Variants in LRRC4C observed in about 807,000 individuals in gnomAD.
LRRC4C encodes leucine-rich repeat-containing protein 4C.
LRRC4C carries 5 observed loss-of-function variants against 33.6 expected under a neutral mutation model. The ratio of observed to expected loss-of-function variants is 0.15; its 90% CI spans 0.08 to 0.31. The LOEUF is 0.31. LRRC4C is among the 10% of genes least tolerant of loss of function. The pLI is 1.00. For missense variants in LRRC4C, 560 were observed against 796.7 expected (o/e 0.70, Z 3.58); for synonymous variants, 329 against 302.0 (o/e 1.09, Z -0.93).
intron 4 of LRRC4C, among the ~76,000 whole-genome samples, chr11:40,263,025 C>T (rs1041178954): frequency 1.3e-5 from 2 of 151,826 alleles, no homozygotes; most frequent in African/African-American, 4.8e-5. Flanking sequence ...CTTACATCTC[C>T]TGCATATACT....
intron 3 of LRRC4C, among the ~76,000 whole-genome samples, chr11:40,429,725 C>T (rs952673662): frequency 2.0e-5 from 3 of 151,960 alleles, no homozygotes; most frequent in Admixed American, 2.0e-4. Context: ...TAATCTGATC[C>T]AAATTTTAAA....
intron 1 of LRRC4C, among the ~76,000 whole-genome samples, chr11:41,181,683 G>C (rs1427287083): frequency 6.6e-6 from 1 of 152,164 alleles, no homozygotes; most frequent in Non-Finnish European, 1.5e-5. Flanking sequence ...ACCCACAGCA[G>C]CTCAGTTTGA....
intron 1 of LRRC4C, among the ~76,000 whole-genome samples, chr11:40,955,872 C>T (rs1000961181): frequency 1.3e-5 from 2 of 151,804 alleles, no homozygotes; most frequent in Non-Finnish European, 2.9e-5. Flanking sequence ...AAAACTCATA[C>T]ATTCCACACA....
intron 3 of LRRC4C, among the ~76,000 whole-genome samples, chr11:40,629,877 A>G (rs1018040715): frequency 1.3e-5 from 2 of 152,188 alleles, no homozygotes; most frequent in Non-Finnish European, 2.9e-5. Context: ...GCATGGACAT[A>G]CAGATAGATA....
chr11:40,207,050 A>G (rs967230105), intron 5 of LRRC4C, among the ~76,000 whole-genome samples: 40 of 152,296 alleles, frequency 2.6e-4, no homozygotes, highest in Non-Finnish European at 5.1e-4. Context: ...AAACAATTCA[A>G]TCTCTCAGAC....
chr11:41,260,212 A>G (rs1402690321), intron 1 of LRRC4C, among the ~76,000 whole-genome samples: 2 of 152,080 alleles, frequency 1.3e-5, no homozygotes, highest in African/African-American at 4.8e-5. Context: ...CGTAATGCAA[A>G]GATACCTTGC....
intron 1 of LRRC4C, among the ~76,000 whole-genome samples, chr11:41,451,932 G>A (rs1956039302): frequency 6.6e-6 from 1 of 151,798 alleles, no homozygotes; most frequent in Non-Finnish European, 1.5e-5. Context: ...ATGCATGGTG[G>A]ATGTCTCCAA....
intron 2 of LRRC4C, among the ~76,000 whole-genome samples, chr11:40,826,965 A>C (rs1441155906): frequency 6.6e-6 from 1 of 152,028 alleles, no homozygotes; most frequent in Non-Finnish European, 1.5e-5. Context: ...CTTTGAAAAC[A>C]CTACAAATTC....
chr11:40,493,591 T>C (rs1954273639), intron 3 of LRRC4C, among the ~76,000 whole-genome samples: 1 of 152,174 alleles, frequency 6.6e-6, no homozygotes, highest in African/African-American at 2.4e-5. Context: ...TACTCAGAAT[T>C]GTTCAGGTTG....
chr11:40,761,280 A>G (rs868490193), intron 2 of LRRC4C, among the ~76,000 whole-genome samples: 17 of 152,136 alleles, frequency 1.1e-4, no homozygotes, highest in African/African-American at 4.1e-4. Flanking sequence ...TTAAAATTGC[A>G]GTGTTAACTA....
In LRRC4C at chr11:40,132,634, G is replaced by C. The variant is rs371711898; in HGVS notation, c.-43+8167C>G. ...TGTTTTGGGTGACCATGCCTGATGC[G>C]AAAGGAGAAAACACTGTACTTATGA... On this transcript the variant is annotated intron_variant, in intron 6 of 6. Transcript: ENST00000528697. 5.1e-4 allele frequency among the ~76,000 whole-genome samples: 78 copies of C among 152,096 alleles called. 2 individuals carry two copies. The South Asian group carries it at 0.016, about 31-fold the overall frequency.
At chr11:40,208,948 C>CGTGTGTGTGTAT (rs148073888) in intron 5 of LRRC4C, among the ~76,000 whole-genome samples, 1 of 146,640 alleles carries the variant, frequency 6.8e-6, no homozygotes, top group African/African-American at 2.5e-5. Context: ...CTTTTGTGCA[C>CGTGTGTGTGTAT]GTGTGTGTGT....
Position 40,834,892 on chromosome 11 carries a change from A to ACAGG in LRRC4C, c.-407+98742_-407+98743insCCTG, listed in dbSNP as rs755309544. 7.7e-3 allele frequency among the ~76,000 whole-genome samples: 519 copies of ACAGG among 67,064 alleles called. 4 individuals are homozygous for ACAGG. The highest frequency in any genetic ancestry group is 0.04 in the South Asian group (53 of 1,310). The allele number at this position is 67,064 out of a possible 152,430, so 44.0% of individuals were successfully genotyped here. A position where few individuals can be genotyped will look rare whatever the true frequency, so the allele number is the denominator to read the frequency against. On this transcript the variant is annotated intron_variant, in intron 2 of 6. Coordinates refer to ENST00000528697, the MANE Select transcript of LRRC4C (RefSeq NM_001258419.2). ...ATGCAAAGAAAAGACAGGCAGACAG[A>ACAGG]CAGACAGACAGACAGACAGACACAC...
At chr11:41,353,310 T>C (rs751733397) in intron 1 of LRRC4C, among the ~76,000 whole-genome samples, 4 of 151,936 alleles carry the variant, frequency 2.6e-5, no homozygotes, top group Non-Finnish European at 5.9e-5. Context: ...ACTCCCAAAA[T>C]TGAACCAGGA....
intron 2 of LRRC4C, among the ~76,000 whole-genome samples, chr11:40,903,914 T>C (rs1455923192): frequency 1.3e-5 from 2 of 151,944 alleles, no homozygotes; most frequent in Admixed American, 1.3e-4. Flanking sequence ...AATATATATA[T>C]ATATACCTAA....
At chr11:41,207,271 G>T (rs1946639375) in intron 1 of LRRC4C, among the ~76,000 whole-genome samples, 2 of 152,092 alleles carry the variant, frequency 1.3e-5, no homozygotes, top group African/African-American at 2.4e-5. Context: ...ATGTTCTGGG[G>T]TAATGTCTGG....
At chr11:40,128,653 C>G (rs569294360) in intron 6 of LRRC4C, among the ~76,000 whole-genome samples, 1 of 152,254 alleles carries the variant, frequency 6.6e-6, no homozygotes, top group African/African-American at 2.4e-5. Flanking sequence ...GTCTGCTTCT[C>G]CCACTTCTCA....
At chr11:41,021,361 G>A (rs61887658) in intron 1 of LRRC4C, among the ~76,000 whole-genome samples, 2 of 151,438 alleles carry the variant, frequency 1.3e-5, no homozygotes, top group Admixed American at 6.6e-5. Context: ...TAGCTCTAGA[G>A]TTCTCCTTTC....
intron 2 of LRRC4C, among the ~76,000 whole-genome samples, chr11:40,782,846 A>G (rs1308745116): frequency 6.6e-6 from 1 of 152,174 alleles, no homozygotes; most frequent in Non-Finnish European, 1.5e-5. Flanking sequence ...ATGTGTGTGT[A>G]TACAGATGTA....
Sources: gnomAD v4.1 joint callset for allele counts (sites outside exome capture counted in the v4.1 genomes callset) on GRCh38, gnomAD v4.1.1 for gene constraint, MANE v1.5 for transcripts, NCBI Gene and HGNC (gene_info 2026-07-23, HGNC 2026-07-21) for gene names.